The following LOC128125822 variants were observed in gnomAD, a reference collection of about 807,000 sequenced individuals.
the LOC128125822 span, among the ~76,000 whole-genome samples, chr6:63,577,148 G>T: frequency 6.6e-6 from 1 of 152,172 alleles, no homozygotes; most frequent in South Asian, 2.1e-4. Context: ...AGGTATATTT[G>T]TACATTTTGA....
At chr6:63,579,152 G>A in the LOC128125822 span, 32 of 1,373,442 alleles carry the variant, frequency 2.3e-5, no homozygotes, top group East Asian at 9.9e-5. Context: ...TACTTAAATA[G>A]GAAGGGTGGT....
chr6:63,580,695 A>C, the LOC128125822 span: 2 of 152,026 alleles, frequency 1.3e-5, no homozygotes, highest in Non-Finnish European at 2.9e-5. Context: ...TCCCACATTC[A>C]TACCAATATA....
At chr6:63,575,598 C>T in the LOC128125822 span, among the ~76,000 whole-genome samples, 8 of 152,038 alleles carry the variant, frequency 5.3e-5, no homozygotes, top group Non-Finnish European at 1.0e-4. Context: ...TCCCTTTGTC[C>T]GCCTTCTCTG....
the LOC128125822 span, chr6:63,572,863 G>A: frequency 2.5e-6 from 1 of 393,044 alleles, no homozygotes; most frequent in East Asian, 3.6e-5. Flanking sequence ...GGGAGCGGGC[G>A]GGTTATGGCC....
the LOC128125822 span, among the ~76,000 whole-genome samples, chr6:63,575,695 A>T: frequency 6.6e-6 from 1 of 152,170 alleles, no homozygotes; most frequent in Non-Finnish European, 1.5e-5. Flanking sequence ...TATTTTCTTT[A>T]CAGTTATAAA....
chr6:63,580,794 G>A, the LOC128125822 span: 1 of 149,294 alleles, frequency 6.7e-6, no homozygotes, highest in Admixed American at 6.7e-5. Context: ...CTCACTTTGT[G>A]CTGTATTAAA....
At chr6:63,582,266 A>G in the LOC128125822 span, 1 of 152,562 alleles carries the variant, frequency 6.6e-6, no homozygotes, top group Non-Finnish European at 1.5e-5. Flanking sequence ...ATGTTAAACT[A>G]TTACCACACA....
At chr6:63,581,384 T>C in the LOC128125822 span, 1 of 152,598 alleles carries the variant, frequency 6.6e-6, no homozygotes, top group Non-Finnish European at 1.5e-5. Flanking sequence ...ATTTTGTCAG[T>C]GTTCACCAGC....
the LOC128125822 span, chr6:63,580,352 C>T: frequency 8.9e-6 from 5 of 560,320 alleles, no homozygotes; most frequent in East Asian, 1.4e-4. Flanking sequence ...GGGTTACAGT[C>T]AACCTATTTG....
chr6:63,580,104 A>G, the LOC128125822 span: 4 of 1,613,614 alleles, frequency 2.5e-6, no homozygotes, highest in Non-Finnish European at 3.4e-6. Context: ...TATTTGGAGA[A>G]GTATCGTCCT....
At chr6:63,576,835 T>G in the LOC128125822 span, 5 of 1,481,820 alleles carry the variant, frequency 3.4e-6, no homozygotes, top group African/African-American at 5.7e-5. Flanking sequence ...ATTCAATTTT[T>G]TTAATTATTT....
the LOC128125822 span, among the ~76,000 whole-genome samples, chr6:63,577,321 C>T: frequency 2.2e-4 from 33 of 152,248 alleles, no homozygotes; most frequent in Admixed American, 9.8e-4. Flanking sequence ...ATGACTAATG[C>T]CATAAACCAG....
chr6:63,576,718 A>C, the LOC128125822 span: 4 of 624,146 alleles, frequency 6.4e-6, no homozygotes, highest in South Asian at 8.3e-5. Context: ...GCTTCTTGTT[A>C]GGAGGTTCAT....
chr6:63,581,079 T>C, the LOC128125822 span: 4 of 152,166 alleles, frequency 2.6e-5, no homozygotes, highest in Non-Finnish European at 4.4e-5. Flanking sequence ...CTGAAATTCT[T>C]GTAATTTTTT....
chr6:63,576,635 CT>C, the LOC128125822 span: 1 of 520,228 alleles, frequency 1.9e-6, no homozygotes, highest in African/African-American at 2.0e-5. Context: ...TACAAGAGTT[CT>C]GACCTGGATG....
At chr6:63,579,476 T>G in the LOC128125822 span, 3 of 561,114 alleles carry the variant, frequency 5.3e-6, no homozygotes, top group Non-Finnish European at 8.8e-6. Flanking sequence ...TCTTACATTC[T>G]TTTTTGCATT....
the LOC128125822 span, chr6:63,576,762 A>C: frequency 1.3e-6 from 1 of 750,332 alleles, no homozygotes; most frequent in South Asian, 1.9e-5. Context: ...TCATACTCAA[A>C]GCACTGAGAA....
At chr6:63,573,354 TCTCGGAGCTC>T in the LOC128125822 span, 2 of 151,464 alleles carry the variant, frequency 1.3e-5, no homozygotes, top group Non-Finnish European at 2.9e-5. Flanking sequence ...TTCCAGAGCT[TCTCGGAGCTC>T]CGGGGTGGGC....
At chr6:63,581,447 T>C in the LOC128125822 span, 1 of 152,606 alleles carries the variant, frequency 6.6e-6, no homozygotes. Context: ...ATGACATGCA[T>C]TTATCATCAT....
Sources: allele counts gnomAD v4.1 joint callset (sites outside exome capture counted in the v4.1 genomes callset), GRCh38; gene constraint gnomAD v4.1.1; transcripts MANE v1.5.